CPVL: variants seen among roughly 807,000 people sequenced by gnomAD.
CPVL encodes the protein probable serine carboxypeptidase CPVL.
A neutral mutation model predicts 63.7 loss-of-function variants in CPVL; 51 were observed. The observed-to-expected ratio is 0.80, with a 90% CI of 0.64 to 1.01. The LOEUF is 1.01. Among genes scored for constraint, CPVL ranks in the 50% least tolerant of loss-of-function variants. CPVL has a pLI of 0.00. For synonymous variants in CPVL, 195 were observed against 206.0 expected, an observed-to-expected ratio of 0.95 and a Z score of 0.46; for missense variants, 530 against 573.1, an observed-to-expected ratio of 0.92 and a Z score of 0.77.
intron 10 of CPVL, among the ~76,000 whole-genome samples, chr7:29,064,910 T>C (rs1320974596): frequency 1.1e-5 from 1 of 95,034 alleles, no homozygotes; most frequent in Non-Finnish European, 2.1e-5. Flanking sequence ...TAAAGTATAA[T>C]AATAATAAAA....
chr7:29,122,607 C>T (rs1405436230), intron 1 of CPVL: 1 of 152,128 alleles, frequency 6.6e-6, no homozygotes, highest in African/African-American at 2.4e-5. Context: ...AAATCCTTGT[C>T]ACCAGGAAAG....
Sources: gnomAD v4.1 joint callset for allele counts (sites outside exome capture counted in the v4.1 genomes callset) on GRCh38, gnomAD v4.1.1 for gene constraint, MANE v1.5 for transcripts, NCBI Gene and HGNC (gene_info 2026-07-23, HGNC 2026-07-21) for gene names.